KYAT1: variants seen among roughly 807,000 people sequenced by gnomAD.
KYAT1 encodes the protein kynurenine aminotransferase 1, also known as kynurenine--oxoglutarate transaminase 1.
KYAT1 carries 47 observed loss-of-function variants against 52.4 expected under a neutral mutation model. The ratio of observed to expected loss-of-function variants is 0.90; its 90% CI spans 0.71 to 1.14. The LOEUF (loss-of-function observed/expected upper bound fraction) is 1.14. KYAT1 is among the 50% of genes most tolerant of loss of function. The pLI, the probability that KYAT1 is intolerant of heterozygous loss-of-function variation, is 0.00. For synonymous variants in KYAT1, 212 were observed against 209.6 expected (o/e 1.01, Z -0.10); for missense variants, 480 against 557.9 (o/e 0.86, Z 1.41).
chr9:128,864,652 AG>A (rs1270089655), intron 1 of KYAT1, among the ~76,000 whole-genome samples: 1 of 152,040 alleles, frequency 6.6e-6, no homozygotes, highest in Non-Finnish European at 1.5e-5. Flanking sequence ...TCTGTCGCCC[AG>A]GCTGAAGTGC....
intron 1 of KYAT1, among the ~76,000 whole-genome samples, chr9:128,874,405 G>C (rs922988027): frequency 6.9e-6 from 1 of 145,314 alleles, no homozygotes; most frequent in Non-Finnish European, 1.5e-5. Context: ...TCAACCTACC[G>C]GGCTCAGGAA....
At chr9:128,846,558 C>G (rs1833124848) in intron 1 of KYAT1, 2 of 654,558 alleles carry the variant, frequency 3.1e-6, no homozygotes, top group South Asian at 2.4e-5. Flanking sequence ...AAGATCGTGC[C>G]AGCCACTGCA....
intron 1 of KYAT1, among the ~76,000 whole-genome samples, chr9:128,858,916 G>A (rs113125833): frequency 0.039 from 5,859 of 150,826 alleles, 131 homozygotes; most frequent in Middle Eastern, 0.075. Flanking sequence ...GCTGAGGCAA[G>A]GGAATTGCTT....
At position 128,837,692 on chromosome 9, in the gene KYAT1, A is replaced by C; in HGVS notation, c.560T>G (p.Leu187Arg). ...ALVLNTPNNPLGKVFSREELE... is the reference protein window; with the variant it reads ...ALVLNTPNNPRGKVFSREELE... ...AGGAGGTCCCTCCAGTACCTTGCCCAGGGGGTTGTTGGGGGTGTTGAGGAC... is the reference window on the plus strand; with the variant it reads ...AGGAGGTCCCTCCAGTACCTTGCCCCGGGGGTTGTTGGGGGTGTTGAGGAC... Residue 187 changes from leucine to arginine, a missense_variant, in exon 6 of 13, where the codon CTG becomes CGG. By Grantham distance (102) the Leu-to-Arg change is moderately radical (BLOSUM62 -2). Coordinates refer to ENST00000302586, the MANE Select transcript of KYAT1 (RefSeq NM_004059.5). 5.0e-6 allele frequency: 8 copies of C among 1,614,134 alleles called. No homozygotes were observed. Among genetic ancestry groups the C allele is most frequent in the Non-Finnish European group, 6.8e-6 (8 of 1,180,000 alleles).
chr9:128,847,302 A>G (rs1377197870), intron 1 of KYAT1: 4 of 615,692 alleles, frequency 6.5e-6, no homozygotes, highest in South Asian at 2.1e-5. Flanking sequence ...GGAGAAGCCC[A>G]CATACAGGCT....
intron 3 of KYAT1, among the ~76,000 whole-genome samples, chr9:128,839,900 C>A (rs188448130): frequency 1.0e-3 from 154 of 150,898 alleles, no homozygotes; most frequent in African/African-American, 3.4e-3. Flanking sequence ...GATGGAAAAT[C>A]AAAAAAATTA....
chr9:128,838,428 G>A, intron 3 of KYAT1, 61 bp from the exon 4 acceptor site: 4 of 1,601,790 alleles, frequency 2.5e-6, no homozygotes, highest in Non-Finnish European at 2.6e-6. Context: ...CGGCCCAGCT[G>A]TATCCAGGCA....
chr9:128,878,538 G>GA (rs1230653449), intron 1 of KYAT1, among the ~76,000 whole-genome samples: 21 of 151,688 alleles, frequency 1.4e-4, no homozygotes, highest in South Asian at 8.3e-4. Context: ...TTTTTTGATA[G>GA]AAAAAAAACA....
At chr9:128,865,815 C>T (rs1464409618) in intron 1 of KYAT1, among the ~76,000 whole-genome samples, 2 of 152,096 alleles carry the variant, frequency 1.3e-5, no homozygotes, top group African/African-American at 4.8e-5. Context: ...GGGGAACTGA[C>T]CCACCCAGAT....
intron 1 of KYAT1, among the ~76,000 whole-genome samples, chr9:128,872,585 T>C (rs138854935): frequency 8.6e-5 from 13 of 150,778 alleles, no homozygotes; most frequent in African/African-American, 2.7e-4. Context: ...CTGGCTAACA[T>C]GGTGAAAGCC....
At chr9:128,865,322 TA>T (rs1564491275) in intron 1 of KYAT1, among the ~76,000 whole-genome samples, 10 of 956 alleles carry the variant, frequency 0.01, 1 homozygote, top group Non-Finnish European at 0.016. Flanking sequence ...TATATATATA[TA>T]TATATATATA....
upstream of KYAT1, chr9:128,882,193 G>A (rs147093925): frequency 0.039 from 5,909 of 153,176 alleles, 131 homozygotes; most frequent in Middle Eastern, 0.074. Flanking sequence ...GCCGGCGGCG[G>A]GACGGAGCGG....
At chr9:128,841,649 T>C (rs999852808) in intron 3 of KYAT1, among the ~76,000 whole-genome samples, 1 of 148,060 alleles carries the variant, frequency 6.8e-6, no homozygotes, top group African/African-American at 2.5e-5. Context: ...TGAGCCGAGA[T>C]TGCGCCCCTG....
At chr9:128,851,893 G>A (rs1564474051) in intron 1 of KYAT1, among the ~76,000 whole-genome samples, 1 of 152,088 alleles carries the variant, frequency 6.6e-6, no homozygotes, top group Non-Finnish European at 1.5e-5. Context: ...GGGCCATTGG[G>A]GCTACAACCA....
intron 1 of KYAT1, among the ~76,000 whole-genome samples, chr9:128,862,758 G>A (rs549047432): frequency 1.7e-4 from 26 of 152,310 alleles, no homozygotes; most frequent in Middle Eastern, 6.8e-3. Context: ...CCATTGCAGG[G>A]GACTGGCAGT....
At chr9:128,865,336 T>C (rs1333358160) in intron 1 of KYAT1, among the ~76,000 whole-genome samples, 13 of 2,152 alleles carry the variant, frequency 6.0e-3, no homozygotes, top group African/African-American at 0.01. Flanking sequence ...TATATATATA[T>C]ATATATATAT....
intron 1 of KYAT1, among the ~76,000 whole-genome samples, chr9:128,880,847 T>G (rs1167782011): frequency 6.6e-6 from 1 of 152,190 alleles, no homozygotes; most frequent in Non-Finnish European, 1.5e-5. Context: ...GGCATTGGCT[T>G]AACACGTGAT....
At chr9:128,881,363 G>T (rs1838869183) in intron 1 of KYAT1, among the ~76,000 whole-genome samples, 1 of 152,200 alleles carries the variant, frequency 6.6e-6, no homozygotes, top group African/African-American at 2.4e-5. Context: ...TTACAGACGT[G>T]AGCCACCGCA....
At chr9:128,860,507 C>T (rs917368080) in intron 1 of KYAT1, 1 of 151,996 alleles carries the variant, frequency 6.6e-6, no homozygotes, top group Non-Finnish European at 1.5e-5. Flanking sequence ...AGCAGGTTAC[C>T]CTGTGACCTA....
Sources: gnomAD v4.1 joint callset for allele counts (sites outside exome capture counted in the v4.1 genomes callset) on GRCh38, gnomAD v4.1.1 for gene constraint, MANE v1.5 for transcripts, NCBI Gene and HGNC (gene_info 2026-07-23, HGNC 2026-07-21) for gene names.